Variants in IL12RB2 observed in about 807,000 individuals in gnomAD.
The protein encoded by IL12RB2 is interleukin-12 receptor subunit beta-2.
In IL12RB2, 82 loss-of-function variants were observed where a neutral mutation model predicts 89.4. That is an observed-to-expected ratio of 0.92 (90% CI 0.77 to 1.10). The LOEUF is 1.10. IL12RB2 is among the 50% of genes least tolerant of loss of function. IL12RB2 has a pLI of 0.00. For missense variants in IL12RB2, 963 were observed against 1,031.9 expected, an observed-to-expected ratio of 0.93 and a Z score of 0.92; for synonymous variants, 368 against 370.1, an observed-to-expected ratio of 0.99 and a Z score of 0.07.
chr1:67,350,798 C>A, intron 9 of IL12RB2, 72 bp from the exon 10 acceptor site: 1 of 1,589,004 alleles, frequency 6.3e-7, no homozygotes, highest in East Asian at 2.3e-5. Context: ...CATCTGTACC[C>A]ATGAGGTCCA....
intron 13 of IL12RB2, among the ~76,000 whole-genome samples, chr1:67,375,616 A>G (rs867990297): frequency 3.3e-5 from 5 of 152,146 alleles, no homozygotes; most frequent in African/African-American, 9.7e-5. Flanking sequence ...TTTCAGCACC[A>G]TTAACCAGGC....
At chr1:67,326,400 C>A (rs1232487011) in intron 4 of IL12RB2, among the ~76,000 whole-genome samples, 1 of 151,840 alleles carries the variant, frequency 6.6e-6, no homozygotes, top group Admixed American at 6.6e-5. Context: ...TGATCTTGGG[C>A]CAGATATTTC....
Position 67,367,969 on chromosome 1 carries a change from A to G in IL12RB2, c.1403A>G (p.Gln468Arg), listed in dbSNP as rs373632786. The G allele has an allele frequency of 8.1e-6, 13 of 1,610,784 alleles. No individual in the cohort carries two copies. The highest frequency in any genetic ancestry group is 1.1e-5 in the Non-Finnish European group (13 of 1,176,982). The change falls in exon 11 of 17, where the codon CAG becomes CGG. Residue 468 changes from glutamine (Q) to arginine (R), a missense_variant. Gln to Arg is a conservative substitution (Grantham distance 43). Transcript: ENST00000674203. ...WRELHPGGDT[Q>R]VPLNWLRSRP... ...GAGCTCCATCCAGGGGGTGACACAC[A>G]GGTCCCTCTAAACTGGCTACGGAGT... is the stretch of plus-strand genomic sequence containing the variant.
chr1:67,349,037 C>T (rs1459713235), intron 9 of IL12RB2, among the ~76,000 whole-genome samples: 2 of 152,138 alleles, frequency 1.3e-5, no homozygotes, highest in Admixed American at 1.3e-4. Context: ...TCCGTCAGAG[C>T]CACACCCCTA....
Position 67,319,037 on chromosome 1 carries a change from G to A in IL12RB2, c.-36-1296G>A, listed in dbSNP as rs140243535. Among the ~76,000 whole-genome samples, 98 of 152,296 alleles carry A rather than the reference G, an allele frequency of 6.4e-4. 1 individual carries two copies. The East Asian group carries it at 0.014, about 22-fold the overall frequency. ...GCTAGAGGTAGAGGAAACAAAGGGC[G>A]CTTTCCTAGAACCCCACAGGGACAG... is the stretch of plus-strand genomic sequence containing the variant. On this transcript the variant is annotated intron_variant, in intron 2 of 16. Coordinates refer to ENST00000674203, the MANE Select transcript of IL12RB2 (RefSeq NM_001374259.2).
intron 2 of IL12RB2, among the ~76,000 whole-genome samples, chr1:67,319,394 T>C (rs1345212201): frequency 6.6e-6 from 1 of 152,230 alleles, no homozygotes; most frequent in Non-Finnish European, 1.5e-5. Flanking sequence ...AAAATCATTC[T>C]GTAAAATAAG....
intron 13 of IL12RB2, among the ~76,000 whole-genome samples, chr1:67,379,509 CAAAAAAAAA>C (rs58494224): frequency 2.9e-5 from 2 of 68,516 alleles, no homozygotes; most frequent in Admixed American, 2.0e-4. Flanking sequence ...GAACCTGTCT[CAAAAAAAAA>C]AAAAAAAAAA....
intron 4 of IL12RB2, among the ~76,000 whole-genome samples, chr1:67,323,395 CAACTT>C (rs963004821): frequency 2.6e-5 from 4 of 152,208 alleles, no homozygotes; most frequent in Non-Finnish European, 4.4e-5. Context: ...GTACTTTAGA[CAACTT>C]AAATTATCTG....
intron 1 of IL12RB2, among the ~76,000 whole-genome samples, chr1:67,311,406 G>A (rs1655040434): frequency 6.6e-6 from 1 of 152,130 alleles, no homozygotes; most frequent in Non-Finnish European, 1.5e-5. Flanking sequence ...CATGGAGAAG[G>A]GAAGCATAGA....
intron 10 of IL12RB2, among the ~76,000 whole-genome samples, chr1:67,363,068 A>T (rs904789141): frequency 1.3e-5 from 2 of 151,068 alleles, no homozygotes; most frequent in African/African-American, 4.9e-5. Context: ...ACACCCGGTT[A>T]ATTTTTGTAT....
At chr1:67,319,389 C>G (rs914210846) in intron 2 of IL12RB2, among the ~76,000 whole-genome samples, 13 of 152,144 alleles carry the variant, frequency 8.5e-5, no homozygotes, top group African/African-American at 2.9e-4. Flanking sequence ...AAGATAAAAT[C>G]ATTCTGTAAA....
rs575370753 is a variant in IL12RB2, at chr1:67,313,237, G to T, written c.-124-676G>T. 9.2e-5 allele frequency among the ~76,000 whole-genome samples: 12 copies of T among 130,106 alleles called. No homozygotes were observed. In the South Asian group the frequency reaches 2.7e-3, roughly 30 times the overall value. 85.4% of individuals were successfully genotyped at this position (130,106 alleles called of 152,430 possible). A position where few individuals can be genotyped will look rare whatever the true frequency, so the allele number is the denominator to read the frequency against. ...ATAGCATCAGATACGGTTACATATT[G>T]TATGTGCGCTGAGTTTTGTTGTTTC... On this transcript the variant is annotated intron_variant, in intron 1 of 16. Coordinates refer to ENST00000674203, the MANE Select transcript of IL12RB2 (RefSeq NM_001374259.2).
rs879885029 is a variant in IL12RB2 at position 67,341,581 on chromosome 1, AAGAAAAG to A, written c.1038+2880_1038+2886del. ...AAAGAAAGAAAGAAAGAAAGAAAGA[AAGAAAAG>A]AAAGGAAGGAAAGAAAGAGAAAGCA... On this transcript the variant is annotated intron_variant, in intron 9 of 16. Coordinates refer to ENST00000674203, the MANE Select transcript of IL12RB2 (RefSeq NM_001374259.2). Among the ~76,000 whole-genome samples, 1,475 of 148,170 alleles carry A rather than the reference AAGAAAAG, an allele frequency of 1.0e-2. 16 individuals are homozygous for A. The highest frequency in any genetic ancestry group is 0.015 in the African/African-American group (606 of 40,324).
intron 2 of IL12RB2, among the ~76,000 whole-genome samples, chr1:67,316,974 C>G (rs1461660775): frequency 3.9e-5 from 6 of 152,154 alleles, no homozygotes; most frequent in African/African-American, 1.4e-4. Context: ...TTGTTCTTTA[C>G]CGTATCCCAA....
At position 67,386,875 on chromosome 1, in the gene IL12RB2, TATA is replaced by T. The variant is rs1557476355; in HGVS notation, c.1946+207_1946+209del. The stretch of plus-strand genomic sequence containing the variant: ...AATCTCTAACTAGAAATGTATTTTA[TATA>T]TATATATATATATATATATATATAT... On this transcript the variant is annotated intron_variant, in intron 15 of 16. Coordinates refer to ENST00000674203, the MANE Select transcript of IL12RB2 (RefSeq NM_001374259.2). 1.0e-3 allele frequency among the ~76,000 whole-genome samples: 20 copies of T among 19,984 alleles called. No homozygotes were observed. In the East Asian group the frequency reaches 0.016, roughly 16 times the overall value. 13.1% of individuals were successfully genotyped at this position (19,984 alleles called of 152,430 possible).
At chr1:67,351,820 C>A (rs1043891722) in intron 10 of IL12RB2, among the ~76,000 whole-genome samples, 2 of 152,222 alleles carry the variant, frequency 1.3e-5, no homozygotes, top group Non-Finnish European at 2.9e-5. Context: ...TGAAAATTAA[C>A]TTCTCAGGAT....
At chr1:67,347,153 G>C (rs1402052877) in intron 9 of IL12RB2, among the ~76,000 whole-genome samples, 1 of 152,070 alleles carries the variant, frequency 6.6e-6, no homozygotes, top group Non-Finnish European at 1.5e-5. Context: ...GGAAGCAAAG[G>C]ATCTGCTCTA....
intron 2 of IL12RB2, among the ~76,000 whole-genome samples, chr1:67,315,373 C>T (rs965273468): frequency 4.6e-5 from 7 of 151,948 alleles, no homozygotes; most frequent in South Asian, 2.1e-4. Flanking sequence ...TACAAAGGGG[C>T]GCCATAGATA....
At chr1:67,370,067 A>G (rs1663133982) in intron 11 of IL12RB2, among the ~76,000 whole-genome samples, 1 of 151,802 alleles carries the variant, frequency 6.6e-6, no homozygotes, top group Admixed American at 6.6e-5. Flanking sequence ...TAACTTTATT[A>G]AATTAAAGTT....
Sources: gnomAD v4.1 joint callset for allele counts (sites outside exome capture counted in the v4.1 genomes callset) on GRCh38, gnomAD v4.1.1 for gene constraint, MANE v1.5 for transcripts, NCBI Gene and HGNC (gene_info 2026-07-23, HGNC 2026-07-21) for gene names.